Variants in MAP3K10 observed in about 807,000 individuals in gnomAD.
The protein encoded by MAP3K10 is MKN28 derived nonreceptor_type serine/threonine kinase.
A neutral mutation model predicts 75.0 loss-of-function variants in MAP3K10; 22 were observed. That is an observed-to-expected ratio of 0.29 (90% CI 0.21 to 0.42). The LOEUF (loss-of-function observed/expected upper bound fraction) is 0.42, where lower values mean the gene tolerates loss of function less well. Among genes scored for constraint, MAP3K10 ranks in the 10% least tolerant of loss-of-function variants. The probability of loss-of-function intolerance (pLI) is 1.00; values close to 1 mark genes in which losing one functional copy is unlikely to be tolerated. For missense variants in MAP3K10, 1,165 were observed against 1,379.8 expected, an observed-to-expected ratio of 0.84 and a Z score of 2.47; for synonymous variants, 599 against 612.9, an observed-to-expected ratio of 0.98 and a Z score of 0.34.
At chr19:40,200,609 T>C (rs1021993173) in intron 2 of MAP3K10, among the ~76,000 whole-genome samples, 4 of 134,680 alleles carry the variant, frequency 3.0e-5, no homozygotes, top group Non-Finnish European at 4.7e-5. Flanking sequence ...TCATTTGTGC[T>C]ACCTTTTTTT....
At chr19:40,211,722 G>A (rs1189732129) in intron 6 of MAP3K10, among the ~76,000 whole-genome samples, 1 of 151,858 alleles carries the variant, frequency 6.6e-6, no homozygotes, top group Non-Finnish European at 1.5e-5. Flanking sequence ...CCTTTTTATG[G>A]CTGCATAGTA....
Position 40,205,307 on chromosome 19 carries a change from G to A in MAP3K10, c.1188+11G>A, listed in dbSNP as rs1373080839. ...CGGACCAAGGAGAAGGTGAAGGCAGGGGGCAAGGTGGGAAAGATGGAGCAA... is the reference window on the plus strand; with the variant it reads ...CGGACCAAGGAGAAGGTGAAGGCAGAGGGCAAGGTGGGAAAGATGGAGCAA... On this transcript the variant is annotated intron_variant, in intron 4 of 9. Coordinates refer to ENST00000253055, the MANE Select transcript of MAP3K10 (RefSeq NM_002446.4). The surrounding 1 kb of genome is among the most constrained non-coding windows in gnomAD (Gnocchi z 4.3). The A allele has an allele frequency of 6.2e-7, 1 of 1,613,612 alleles. No individual in the cohort carries two copies. Among genetic ancestry groups the A allele is most frequent in the East Asian group, 2.2e-5 (1 of 44,876 alleles).
chr19:40,208,363 T>TTTTTTTTTTTTTTTTA (rs1555756664), intron 5 of MAP3K10, among the ~76,000 whole-genome samples: 2 of 111,888 alleles, frequency 1.8e-5, no homozygotes, highest in Admixed American at 9.4e-5. Flanking sequence ...TTTTTTTTTT[T>TTTTTTTTTTTTTTTTA]TTTTTTGTAT....
chr19:40,200,852 C>T (rs1372452742), intron 2 of MAP3K10, among the ~76,000 whole-genome samples: 6 of 151,826 alleles, frequency 4.0e-5, no homozygotes, highest in Admixed American at 6.6e-5. Flanking sequence ...TCAGGTGATC[C>T]GCCCGCCTCA....
chr19:40,208,163 T>TTTTTTG (rs970339543), intron 5 of MAP3K10, among the ~76,000 whole-genome samples: 3 of 151,772 alleles, frequency 2.0e-5, no homozygotes, highest in Non-Finnish European at 4.4e-5. Context: ...TGTTGTTTGT[T>TTTTTTG]TTTTTGTTTT....
At position 40,212,566 on chromosome 19, in the gene MAP3K10, T is replaced by C. The variant is rs1973259755; in HGVS notation, c.1553-239T>C. 6.6e-6 allele frequency among the ~76,000 whole-genome samples: 1 copy of C among 152,130 alleles called. No homozygotes were observed. Among genetic ancestry groups the C allele is most frequent in the South Asian group, 2.1e-4 (1 of 4,828 alleles). On this transcript the variant is annotated intron_variant, in intron 6 of 9. Coordinates refer to ENST00000253055, the MANE Select transcript of MAP3K10 (RefSeq NM_002446.4). The surrounding 1 kb of genome is among the most constrained non-coding windows in gnomAD (Gnocchi z 4.2). ...TTAGGCTGTGAAGAGGAGGGGAGGCTGGAGGAGTTGGCAGGGAACCGCTCA... is the reference window on the plus strand; with the variant it reads ...TTAGGCTGTGAAGAGGAGGGGAGGCCGGAGGAGTTGGCAGGGAACCGCTCA...
At position 40,213,890 on chromosome 19, in the gene MAP3K10, C is replaced by A. The variant is rs774234678; in HGVS notation, c.2211C>A (p.Gly737=). The A allele has an allele frequency of 4.4e-5, 65 of 1,487,622 alleles. No individual in the cohort carries two copies. The Middle Eastern group carries it at 7.1e-4, about 16-fold the overall frequency. The allele number at this position is 1,487,622 out of a possible 1,614,324, so 92.2% of individuals were successfully genotyped here. A position where few individuals can be genotyped will look rare whatever the true frequency, so the allele number is the denominator to read the frequency against. ...PHGRREDVGP[G]LGLAPSATLV... ...GCCGCCGCGAAGACGTGGGCCCCGG[C>A]CTGGGCCTGGCGCCCTCGGCCACCC... The change falls in exon 9 of 10, where the codon GGC becomes GGA. Residue 737 remains glycine, a synonymous_variant. Transcript: ENST00000253055. This position sits in a 1 kb window ranked among gnomAD's most constrained non-coding sequence, Gnocchi z 5.7.
At chr19:40,209,028 A>G (rs1973186099) in intron 5 of MAP3K10, 75 bp from the exon 6 acceptor site, 1 of 1,060,256 alleles carries the variant, frequency 9.4e-7, no homozygotes, top group African/African-American at 1.6e-5. Context: ...TTCCTTCTCT[A>G]CTTCTACAGA....
rs1338691199 is a variant in MAP3K10 at position 40,198,395 on chromosome 19, G to A, written c.703G>A (p.Glu235Lys). ...CACAGTCCTGATCCTGGAGGCCATC[G>A]AGAACCACAACCTCGCAGACACGGT... ...SINILILEAI[E>K]NHNLADTVLK... is the part of the protein sequence containing the mutation. Residue 235 changes from glutamate to lysine, a missense_variant, in exon 2 of 10, where the codon GAG (glutamate) becomes AAG (lysine). By Grantham distance (56) the Glu-to-Lys change is moderately conservative. This residue lies in a region of MAP3K10 where 575 missense variants were observed against 793.2 expected (regional missense o/e 0.72). Coordinates refer to ENST00000253055, the MANE Select transcript of MAP3K10 (RefSeq NM_002446.4). The surrounding 1 kb of genome is among the most constrained non-coding windows in gnomAD (Gnocchi z 4.3). 1.4e-5 allele frequency: 23 copies of A among 1,613,508 alleles called. No homozygotes were observed. Among genetic ancestry groups the A allele is most frequent in the South Asian group, 3.3e-5 (3 of 91,024 alleles).
intron 1 of MAP3K10, among the ~76,000 whole-genome samples, chr19:40,196,951 A>C (rs1972918479): frequency 6.6e-6 from 1 of 152,184 alleles, no homozygotes. Context: ...CCCGGGTAGA[A>C]AGTAAGCTAG....
chr19:40,198,277 A>T lies in MAP3K10; in HGVS notation c.683-98A>T. 1 of 1,187,938 alleles carries T rather than the reference A, an allele frequency of 8.4e-7. No individual in the cohort carries two copies. Among genetic ancestry groups the T allele is most frequent in the Non-Finnish European group, 1.2e-6 (1 of 841,840 alleles). 73.6% of individuals were successfully genotyped at this position (1,187,938 alleles called of 1,614,324 possible). On this transcript the variant is annotated intron_variant, in intron 1 of 9. Coordinates refer to ENST00000253055, the MANE Select transcript of MAP3K10 (RefSeq NM_002446.4). This position sits in a 1 kb window ranked among gnomAD's most constrained non-coding sequence, Gnocchi z 4.3. ...CAGAGCGGGGCAGCCTGAGGCAGTG[A>T]GAGGAAAGACGTGTTTCTAGCTGAG...
chr19:40,208,349 T>C (rs12980366), intron 5 of MAP3K10, among the ~76,000 whole-genome samples: 18 of 69,292 alleles, frequency 2.6e-4, no homozygotes, highest in Non-Finnish European at 4.3e-4. Context: ...TTCTTTCTTT[T>C]TTTTTTTTTT....
In MAP3K10 at chr19:40,192,264, C is replaced by A; in HGVS notation, c.233C>A (p.Pro78His). The stretch of plus-strand genomic sequence containing the variant: ...GTCTTCCCCAGCAACTACGTGGCCC[C>A]CGGCGCCCCCGCTGCACCCGCGGGC... ...VGVFPSNYVA[P>H]GAPAAPAGLQ... The change falls in exon 1 of 10, where the codon CCC becomes CAC. Residue 78 changes from proline to histidine, a missense_variant. By Grantham distance (77) the Pro-to-His change is moderately conservative (BLOSUM62 -2). Transcript: ENST00000253055. The surrounding 1 kb of genome is among the most constrained non-coding windows in gnomAD (Gnocchi z 7.1). 1 of 1,601,786 alleles carries A rather than the reference C, an allele frequency of 6.2e-7. No homozygotes were observed. The highest frequency in any genetic ancestry group is 8.5e-7 in the Non-Finnish European group (1 of 1,175,820).
At chr19:40,197,112 G>T (rs559073610) in intron 1 of MAP3K10, among the ~76,000 whole-genome samples, 25 of 152,304 alleles carry the variant, frequency 1.6e-4, no homozygotes, top group African/African-American at 6.0e-4. Context: ...AACTGATGGA[G>T]GCTGGGCTCA....
chr19:40,204,441 T>TG lies in MAP3K10; in HGVS notation c.864-40dup, dbSNP rs770086109. The stretch of plus-strand genomic sequence containing the variant: ...GGCAGGGCTGGGTATAGGTGAGGAT[T>TG]GGGGTGGGCTGCGACATCACCCCTC... On this transcript the variant is annotated intron_variant, in intron 2 of 9. Transcript: ENST00000253055. The surrounding 1 kb of genome is among the most constrained non-coding windows in gnomAD (Gnocchi z 4.3). 8 of 1,592,722 alleles carry TG rather than the reference T, an allele frequency of 5.0e-6. No individual in the cohort carries two copies. In the Admixed American group the frequency reaches 1.3e-4, roughly 27 times the overall value.
rs780713711 is a variant in MAP3K10 at position 40,192,643 on chromosome 19, C to G, written c.612C>G (p.Ala204=). 2 of 1,599,824 alleles carry G rather than the reference C, an allele frequency of 1.3e-6. No individual in the cohort carries two copies. The highest frequency in any genetic ancestry group is 2.2e-5 in the East Asian group (1 of 44,764). ...TGGTCAACTGGGCTGTGCAGGTGGC[C>G]CGGGGCATGAACTACCTACACAATG... is the stretch of plus-strand genomic sequence containing the variant. ...HVLVNWAVQV[A]RGMNYLHNDA... Residue 204 remains alanine, a synonymous_variant, in exon 1 of 10, where the codon GCC becomes GCG. Coordinates refer to ENST00000253055, the MANE Select transcript of MAP3K10 (RefSeq NM_002446.4). This position sits in a 1 kb window ranked among gnomAD's most constrained non-coding sequence, Gnocchi z 7.1.
chr19:40,210,600 C>T (rs1450155175), intron 6 of MAP3K10, among the ~76,000 whole-genome samples: 1 of 151,926 alleles, frequency 6.6e-6, no homozygotes, highest in Non-Finnish European at 1.5e-5. Context: ...ACTCGGGAGA[C>T]TGAGGCAGGA....
At position 40,191,600 on chromosome 19, in the gene MAP3K10, C is replaced by CGCCCG. The variant is rs1367101945; in HGVS notation, c.-424_-420dup. ...GCCGCCCCAGGGGCCCCGCCACCCC[C>CGCCCG]GCCCGGCCCGGCAGTCGTGGCCCGG... On this transcript the variant is annotated 5_prime_UTR_variant, in exon 1 of 10. Coordinates refer to ENST00000253055, the MANE Select transcript of MAP3K10 (RefSeq NM_002446.4). 1 of 148,166 alleles carries CGCCCG rather than the reference C, an allele frequency of 6.7e-6. No individual in the cohort carries two copies. Among genetic ancestry groups the CGCCCG allele is most frequent in the Non-Finnish European group, 1.5e-5 (1 of 66,488 alleles). The allele number at this position is 148,166 out of a possible 1,614,324, so 9.2% of individuals were successfully genotyped here.
intron 1 of MAP3K10, among the ~76,000 whole-genome samples, chr19:40,196,967 T>C (rs1184010067): frequency 6.6e-6 from 1 of 152,182 alleles, no homozygotes; most frequent in Non-Finnish European, 1.5e-5. Context: ...GCTAGAACCA[T>C]CCAGTATGTT....
Sources: allele counts gnomAD v4.1 joint callset (sites outside exome capture counted in the v4.1 genomes callset), GRCh38; gene constraint gnomAD v4.1.1; regional missense constraint gnomAD v4.1.1; non-coding constraint Gnocchi (gnomAD v3.1); transcripts MANE v1.5; gene names NCBI Gene and HGNC (gene_info 2026-07-23, HGNC 2026-07-21).